SEMA6D: variants seen among roughly 807,000 people sequenced by gnomAD.
The protein encoded by SEMA6D is semaphorin-6D.
In SEMA6D, 35 loss-of-function variants were observed where a neutral mutation model predicts 106.6. That is an observed-to-expected ratio of 0.33 (90% confidence interval 0.25 to 0.44). The LOEUF (loss-of-function observed/expected upper bound fraction) is 0.44, where lower values mean the gene tolerates loss of function less well. Among genes scored for constraint, SEMA6D ranks in the 20% least tolerant of loss-of-function variants. The pLI, the probability that SEMA6D is intolerant of heterozygous loss-of-function variation, is 1.00. For missense variants in SEMA6D, 1,185 were observed against 1,345.9 expected, an observed-to-expected ratio of 0.88 and a Z score of 1.87; for synonymous variants, 499 against 487.7, an observed-to-expected ratio of 1.02 and a Z score of -0.31.
intron 1 of SEMA6D, among the ~76,000 whole-genome samples, chr15:47,312,443 G>A (rs1045697898): frequency 2.0e-5 from 3 of 151,684 alleles, no homozygotes; most frequent in Admixed American, 6.6e-5. Context: ...TGTTTTCCTC[G>A]CCATGATCTG....
chr15:47,417,747 C>T (rs2041020986), intron 2 of SEMA6D, among the ~76,000 whole-genome samples: 1 of 151,866 alleles, frequency 6.6e-6, no homozygotes, highest in South Asian at 2.1e-4. Flanking sequence ...TAAAAATAGA[C>T]ATCTCTAAAT....
At chr15:47,741,921 A>G (rs2080845190) in intron 1 of SEMA6D, among the ~76,000 whole-genome samples, 1 of 152,206 alleles carries the variant, frequency 6.6e-6, no homozygotes, top group South Asian at 2.1e-4. Context: ...GCAAATCCAC[A>G]GTAGAAATGG....
chr15:47,683,621 A>T (rs1427120903), intron 4 of SEMA6D, among the ~76,000 whole-genome samples: 1 of 152,150 alleles, frequency 6.6e-6, no homozygotes, highest in Non-Finnish European at 1.5e-5. Context: ...GCATTTTTTT[A>T]GAAAAAAAAT....
At chr15:47,717,830 C>T (rs1224169514) in intron 1 of SEMA6D, 138 bp downstream of exon 1, 2 of 115,612 alleles carry the variant, frequency 1.7e-5, no homozygotes, top group African/African-American at 7.7e-5. Flanking sequence ...GATCCCGAAT[C>T]GCTGTGTGTG....
chr15:47,276,335 G>C (rs898366285), intron 1 of SEMA6D, among the ~76,000 whole-genome samples: 24 of 152,252 alleles, frequency 1.6e-4, no homozygotes, highest in Middle Eastern at 3.4e-3. Context: ...GGAAGAAGAT[G>C]TCATGTTGGA....
At chr15:47,436,598 A>C (rs1203148946) in intron 2 of SEMA6D, among the ~76,000 whole-genome samples, 1 of 150,654 alleles carries the variant, frequency 6.6e-6, no homozygotes, top group Non-Finnish European at 1.5e-5. Flanking sequence ...TGCAGAAAAA[A>C]TGCTATGTAA....
At chr15:47,286,667 A>G (rs1050710801) in intron 1 of SEMA6D, among the ~76,000 whole-genome samples, 1 of 152,130 alleles carries the variant, frequency 6.6e-6, no homozygotes, top group African/African-American at 2.4e-5. Context: ...CCTCCCATAG[A>G]TAGGCATTTG....
At chr15:47,441,968 C>A (rs879713197) in intron 2 of SEMA6D, among the ~76,000 whole-genome samples, 1 of 152,032 alleles carries the variant, frequency 6.6e-6, no homozygotes, top group Admixed American at 6.6e-5. Context: ...GGTTTTTAAT[C>A]CATGAATCAT....
chr15:47,194,359 G>A (rs577751159), intron 1 of SEMA6D, among the ~76,000 whole-genome samples: 11 of 152,222 alleles, frequency 7.2e-5, no homozygotes, highest in African/African-American at 2.6e-4. Flanking sequence ...AAGAGTTAGA[G>A]AGTTTGAGAG....
intron 1 of SEMA6D, among the ~76,000 whole-genome samples, chr15:47,201,172 T>C (rs1419939145): frequency 6.6e-6 from 1 of 152,228 alleles, no homozygotes; most frequent in Non-Finnish European, 1.5e-5. Flanking sequence ...TGCTTCTTTG[T>C]TTGTAGAGAA....
intron 1 of SEMA6D, among the ~76,000 whole-genome samples, chr15:47,194,438 T>C (rs986080816): frequency 8.5e-5 from 13 of 152,080 alleles, no homozygotes; most frequent in Non-Finnish European, 1.5e-4. Context: ...GACAGACCTA[T>C]GGGAAATTGC....
intron 1 of SEMA6D, among the ~76,000 whole-genome samples, chr15:47,402,711 T>G (rs952846618): frequency 4.0e-5 from 6 of 151,698 alleles, no homozygotes; most frequent in African/African-American, 1.5e-4. Context: ...ATGTTCTGTC[T>G]TCTCCCCATC....
chr15:47,457,170 A>G (rs575406500), intron 2 of SEMA6D, among the ~76,000 whole-genome samples: 1 of 152,088 alleles, frequency 6.6e-6, no homozygotes, highest in Non-Finnish European at 1.5e-5. Context: ...TTCTATAACA[A>G]AGATTATAAG....
At chr15:47,334,474 C>T (rs2037472910) in intron 1 of SEMA6D, among the ~76,000 whole-genome samples, 1 of 152,110 alleles carries the variant, frequency 6.6e-6, no homozygotes, top group African/African-American at 2.4e-5. Flanking sequence ...ACACTGTCTC[C>T]AGGTAGATAG....
At chr15:47,505,486 G>A (rs2044009415) in intron 3 of SEMA6D, among the ~76,000 whole-genome samples, 1 of 152,112 alleles carries the variant, frequency 6.6e-6, no homozygotes, top group African/African-American at 2.4e-5. Context: ...AACATTTGGG[G>A]ACAATATGAA....
intron 3 of SEMA6D, among the ~76,000 whole-genome samples, chr15:47,475,988 CAA>C (rs932819087): frequency 2.6e-5 from 4 of 152,052 alleles, no homozygotes; most frequent in Non-Finnish European, 4.4e-5. Flanking sequence ...GAAGTTTGGG[CAA>C]AGTGTGGTGA....
chr15:47,200,114 A>G (rs1894625991), intron 1 of SEMA6D, among the ~76,000 whole-genome samples: 1 of 152,152 alleles, frequency 6.6e-6, no homozygotes, highest in African/African-American at 2.4e-5. Context: ...ACCAAAAGCA[A>G]GATTACTCAA....
chr15:47,227,920 TTATA>T (rs1229676558), intron 1 of SEMA6D, among the ~76,000 whole-genome samples: 3 of 139,700 alleles, frequency 2.1e-5, no homozygotes, highest in African/African-American at 7.5e-5. Flanking sequence ...TATATATATT[TTATA>T]TATATAAGAA....
At chr15:47,488,159 G>A (rs2043352854) in intron 3 of SEMA6D, among the ~76,000 whole-genome samples, 2 of 151,970 alleles carry the variant, frequency 1.3e-5, no homozygotes. Flanking sequence ...CGGTATTTTT[G>A]TTCTGATTAT....
Sources: allele counts gnomAD v4.1 joint callset (sites outside exome capture counted in the v4.1 genomes callset), GRCh38; gene constraint gnomAD v4.1.1; transcripts MANE v1.5; gene names NCBI Gene and HGNC (gene_info 2026-07-23, HGNC 2026-07-21).